The following LHFPL3 variants were observed in gnomAD, a reference collection of about 807,000 sequenced individuals.
LHFPL3 encodes LHFPL tetraspan subfamily member 3, also known as LHFPL tetraspan subfamily member 3 protein.
A neutral mutation model predicts 19.3 loss-of-function variants in LHFPL3; 5 were observed. The ratio of observed to expected loss-of-function variants is 0.26; its 90% CI spans 0.14 to 0.54. The LOEUF (loss-of-function observed/expected upper bound fraction) is 0.54, where lower values mean the gene tolerates loss of function less well. LHFPL3 is among the 20% of genes least tolerant of loss of function. The probability of loss-of-function intolerance (pLI) is 0.94; values close to 1 mark genes in which losing one functional copy is unlikely to be tolerated. For missense variants in LHFPL3, 249 were observed against 307.4 expected, an observed-to-expected ratio of 0.81 and a Z score of 1.42; for synonymous variants, 133 against 126.2, an observed-to-expected ratio of 1.05 and a Z score of -0.36.
intron 1 of LHFPL3, among the ~76,000 whole-genome samples, chr7:104,684,552 A>G (rs760468443): frequency 1.3e-5 from 2 of 152,182 alleles, no homozygotes; most frequent in Non-Finnish European, 2.9e-5. Flanking sequence ...TCTTCTTCCA[A>G]TTTCTTGTCA....
intron 2 of LHFPL3, among the ~76,000 whole-genome samples, chr7:104,884,374 A>C (rs562629298): frequency 7.2e-5 from 11 of 152,226 alleles, no homozygotes; most frequent in Admixed American, 3.9e-4. Context: ...CCTGTCCCCA[A>C]GTTCTGTCCA....
At position 104,508,542 on chromosome 7, in the gene LHFPL3, C is replaced by A. The variant is rs867399144; in HGVS notation, c.445+179318C>A. ...AGTTAGTGGGTGCAGCACACCAGCACGGCACATGTATACATATGTAACTAA... is the reference window on the plus strand; with the variant it reads ...AGTTAGTGGGTGCAGCACACCAGCAAGGCACATGTATACATATGTAACTAA... On this transcript the variant is annotated intron_variant, in intron 1 of 2. Transcript: ENST00000424859. Among the ~76,000 whole-genome samples the A allele has an allele frequency of 3.3e-5, 5 of 150,714 alleles. No homozygotes were observed. The South Asian group carries it at 1.1e-3, about 32-fold the overall frequency.
At chr7:104,423,205 A>C (rs543508864) in intron 1 of LHFPL3, among the ~76,000 whole-genome samples, 114 of 152,302 alleles carry the variant, frequency 7.5e-4, no homozygotes, top group African/African-American at 2.6e-3. Context: ...TGTAAGCCTC[A>C]CTGAGCAAGG....
intron 1 of LHFPL3, among the ~76,000 whole-genome samples, chr7:104,398,425 A>G (rs1450383463): frequency 1.3e-5 from 2 of 151,988 alleles, no homozygotes; most frequent in Non-Finnish European, 2.9e-5. Flanking sequence ...TATCTCAATC[A>G]TTTTCTTCAT....
rs151164647 is a variant in LHFPL3 at position 104,622,042 on chromosome 7, C to T, written c.446-114633C>T. Among the ~76,000 whole-genome samples the T allele has an allele frequency of 4.1e-4, 63 of 152,250 alleles. No individual in the cohort carries two copies. In the East Asian group the frequency reaches 0.011, roughly 26 times the overall value. On this transcript the variant is annotated intron_variant, in intron 1 of 2. Coordinates refer to ENST00000424859, the MANE Select transcript of LHFPL3 (RefSeq NM_199000.3). ...ACTTAATATGCATAAACAAAGAATC[C>T]CTTTGAATATAGTAAATTGTGTTTC...
At chr7:104,348,399 A>G (rs1325051463) in intron 1 of LHFPL3, among the ~76,000 whole-genome samples, 1 of 152,232 alleles carries the variant, frequency 6.6e-6, no homozygotes, top group African/African-American at 2.4e-5. Flanking sequence ...AAGAACACAG[A>G]TTCAATTTTG....
chr7:104,900,034 C>T (rs915891313), intron 2 of LHFPL3, among the ~76,000 whole-genome samples: 5 of 152,150 alleles, frequency 3.3e-5, no homozygotes, highest in Admixed American at 6.6e-5. Context: ...CGTGCCTGGC[C>T]GCCAATTTAT....
At chr7:104,409,142 C>T (rs1263120604) in intron 1 of LHFPL3, among the ~76,000 whole-genome samples, 2 of 151,444 alleles carry the variant, frequency 1.3e-5, no homozygotes, top group African/African-American at 4.9e-5. Context: ...TCCCAAAATG[C>T]TGGGATTAGA....
chr7:104,689,077 C>T (rs1792859845), intron 1 of LHFPL3, among the ~76,000 whole-genome samples: 1 of 152,132 alleles, frequency 6.6e-6, no homozygotes. Context: ...AGAAGATATA[C>T]CCTTGATTAA....
At chr7:104,608,413 G>A (rs934602913) in intron 1 of LHFPL3, among the ~76,000 whole-genome samples, 14 of 147,082 alleles carry the variant, frequency 9.5e-5, no homozygotes, top group African/African-American at 2.3e-4. Flanking sequence ...ACCAAACACC[G>A]CATGTTCTCA....
chr7:104,717,953 A>G (rs979851978), intron 1 of LHFPL3, among the ~76,000 whole-genome samples: 1 of 152,218 alleles, frequency 6.6e-6, no homozygotes, highest in African/African-American at 2.4e-5. Flanking sequence ...TAGTATATAC[A>G]TACAATGAAA....
chr7:104,581,707 T>G (rs1322671987), intron 1 of LHFPL3, among the ~76,000 whole-genome samples: 3 of 152,062 alleles, frequency 2.0e-5, no homozygotes, highest in Non-Finnish European at 4.4e-5. Context: ...CATATAGATA[T>G]CCTGTCATTC....
At chr7:104,660,600 A>G (rs1274829602) in intron 1 of LHFPL3, among the ~76,000 whole-genome samples, 2 of 152,220 alleles carry the variant, frequency 1.3e-5, no homozygotes, top group Non-Finnish European at 2.9e-5. Context: ...AAACAGCTTG[A>G]TGTGAGCTTT....
chr7:104,657,444 G>C (rs1465783159), intron 1 of LHFPL3, among the ~76,000 whole-genome samples: 2 of 152,138 alleles, frequency 1.3e-5, no homozygotes, highest in South Asian at 4.1e-4. Context: ...AAAATAAAAA[G>C]TCTAGATTTT....
intron 2 of LHFPL3, among the ~76,000 whole-genome samples, chr7:104,834,013 C>T (rs1483483615): frequency 4.7e-5 from 7 of 148,846 alleles, no homozygotes; most frequent in East Asian, 2.1e-4. Flanking sequence ...ATTTAGAGTC[C>T]GATGTTTGAG....
chr7:104,582,425 C>G (rs1333710460), intron 1 of LHFPL3, among the ~76,000 whole-genome samples: 1 of 151,894 alleles, frequency 6.6e-6, no homozygotes, highest in Non-Finnish European at 1.5e-5. Flanking sequence ...AAACAGTTTT[C>G]CCCCTTCTTT....
intron 1 of LHFPL3, among the ~76,000 whole-genome samples, chr7:104,510,208 T>C (rs1333538360): frequency 6.6e-6 from 1 of 152,098 alleles, no homozygotes; most frequent in Non-Finnish European, 1.5e-5. Flanking sequence ...CAGCAAGACT[T>C]TCTGTAGATA....
At chr7:104,669,449 C>T in intron 1 of LHFPL3, 1 of 1,613,108 alleles carries the variant, frequency 6.2e-7, no homozygotes, top group East Asian at 2.2e-5. Context: ...GATCAAGACT[C>T]CAGATCTGCA....
At chr7:104,808,969 C>A (rs1790418309) in intron 2 of LHFPL3, among the ~76,000 whole-genome samples, 1 of 146,322 alleles carries the variant, frequency 6.8e-6, no homozygotes, top group Non-Finnish European at 1.5e-5. Flanking sequence ...AATCTTGGCT[C>A]ACTACAACCT....
Sources: allele counts gnomAD v4.1 joint callset (sites outside exome capture counted in the v4.1 genomes callset), GRCh38; gene constraint gnomAD v4.1.1; transcripts MANE v1.5; gene names NCBI Gene and HGNC (gene_info 2026-07-23, HGNC 2026-07-21).